The following IQCM variants were observed in gnomAD, a reference collection of about 807,000 sequenced individuals.
IQCM encodes the protein IQ domain-containing protein M.
IQCM carries 45 observed loss-of-function variants against 57.6 expected under a neutral mutation model. That is an observed-to-expected ratio of 0.78 (90% CI 0.62 to 1.00). The LOEUF (loss-of-function observed/expected upper bound fraction) is 1.00, where lower values mean the gene tolerates loss of function less well. Ranked by LOEUF, IQCM falls within the 50% of genes least tolerant of loss-of-function variation. The pLI, the probability that IQCM is intolerant of heterozygous loss-of-function variation, is 0.00. For synonymous variants in IQCM, 148 were observed against 158.9 expected, an observed-to-expected ratio of 0.93 and a Z score of 0.51; for missense variants, 468 against 511.6, an observed-to-expected ratio of 0.91 and a Z score of 0.82.
chr4:149,391,467 G>C (rs1042186699), intron 13 of IQCM, among the ~76,000 whole-genome samples: 1 of 151,178 alleles, frequency 6.6e-6, no homozygotes, highest in Non-Finnish European at 1.5e-5. Context: ...TCAATATATT[G>C]TTTTCTATTA....
intron 12 of IQCM, 28 bp downstream of exon 12, chr4:149,548,427 G>C (rs899379212): frequency 8.1e-7 from 1 of 1,230,522 alleles, no homozygotes; most frequent in Non-Finnish European, 1.0e-6. Context: ...GAAAAGAAGG[G>C]GGGAAAAAGA....
At chr4:149,633,199 A>T (rs1757442099) in intron 7 of IQCM, among the ~76,000 whole-genome samples, 1 of 150,104 alleles carries the variant, frequency 6.7e-6, no homozygotes, top group Non-Finnish European at 1.5e-5. Flanking sequence ...AAAAGCAAAT[A>T]TCACACATAA....
chr4:149,647,002 A>AT (rs1177384401), intron 7 of IQCM, among the ~76,000 whole-genome samples: 1 of 151,938 alleles, frequency 6.6e-6, no homozygotes, highest in Non-Finnish European at 1.5e-5. Context: ...AATAATAATA[A>AT]TTTTTTGTGT....
intron 7 of IQCM, among the ~76,000 whole-genome samples, chr4:149,633,668 CTACTT>C (rs369465537): frequency 1.3e-3 from 201 of 152,292 alleles, no homozygotes; most frequent in African/African-American, 4.5e-3. Context: ...ATTTTTCAAT[CTACTT>C]TACTGGTCTT....
chr4:149,472,336 CAGAG>C lies in IQCM; in HGVS notation c.1229-38783_1229-38780del, dbSNP rs1238519149. ...TTCCTATACACCAATAACAGACAGA[CAGAG>C]AGCCAAATCATGAGTGAACTCCCAT... On this transcript the variant is annotated intron_variant, in intron 12 of 13. Coordinates refer to ENST00000636793, the MANE Select transcript of IQCM (RefSeq NM_001363507.2). Among the ~76,000 whole-genome samples, 123 of 152,226 alleles carry C rather than the reference CAGAG, an allele frequency of 8.1e-4. 1 individual carries two copies. The highest frequency in any genetic ancestry group is 8.0e-3 in the Admixed American group (122 of 15,282).
intron 5 of IQCM, among the ~76,000 whole-genome samples, chr4:149,725,110 A>C (rs1043946911): frequency 6.6e-6 from 1 of 152,146 alleles, no homozygotes; most frequent in Non-Finnish European, 1.5e-5. Flanking sequence ...TTTACAAAGG[A>C]TATTTGATAC....
intron 12 of IQCM, among the ~76,000 whole-genome samples, chr4:149,484,259 C>T (rs1013112627): frequency 2.0e-5 from 3 of 151,816 alleles, no homozygotes; most frequent in South Asian, 4.2e-4. Flanking sequence ...TCCATTCAGC[C>T]GCTTTATGTC....
At chr4:149,785,728 T>A (rs1213066019) in intron 2 of IQCM, among the ~76,000 whole-genome samples, 7 of 152,078 alleles carry the variant, frequency 4.6e-5, no homozygotes, top group African/African-American at 1.7e-4. Flanking sequence ...TTTCTGTGGA[T>A]GGTCAGATTG....
At chr4:149,368,870 ATATACACGTG>A (rs1472624363) in intron 13 of IQCM, among the ~76,000 whole-genome samples, 1 of 95,032 alleles carries the variant, frequency 1.1e-5, no homozygotes, top group Non-Finnish European at 2.2e-5. Context: ...ATATATACAT[ATATACACGTG>A]TATATATATG....
chr4:149,396,761 C>A (rs560900947), intron 13 of IQCM, among the ~76,000 whole-genome samples: 1 of 152,010 alleles, frequency 6.6e-6, no homozygotes, highest in Non-Finnish European at 1.5e-5. Flanking sequence ...CTCTTTGATT[C>A]TCTTGAATCT....
chr4:149,619,103 G>GATATATATAT (rs1350988241), intron 8 of IQCM, among the ~76,000 whole-genome samples: 1 of 104,386 alleles, frequency 9.6e-6, no homozygotes, highest in Non-Finnish European at 1.7e-5. Flanking sequence ...AAAAATGTGG[G>GATATATATAT]ATGGATATAT....
intron 12 of IQCM, among the ~76,000 whole-genome samples, chr4:149,534,551 A>G (rs1409232626): frequency 1.3e-5 from 2 of 152,110 alleles, no homozygotes; most frequent in Non-Finnish European, 2.9e-5. Flanking sequence ...GACCCTCATC[A>G]TGCTAAAATT....
intron 12 of IQCM, among the ~76,000 whole-genome samples, chr4:149,513,506 T>G (rs1008887399): frequency 5.9e-5 from 9 of 152,180 alleles, no homozygotes; most frequent in Non-Finnish European, 1.3e-4. Context: ...CTAGAATAAT[T>G]AAGCTAATTT....
chr4:149,661,194 T>G (rs1384577221), intron 7 of IQCM, among the ~76,000 whole-genome samples: 2 of 152,154 alleles, frequency 1.3e-5, no homozygotes, highest in Admixed American at 6.6e-5. Flanking sequence ...CAAATGCTTT[T>G]CCTAAAAATT....
At chr4:149,533,941 G>A (rs942351985) in intron 12 of IQCM, among the ~76,000 whole-genome samples, 1 of 152,064 alleles carries the variant, frequency 6.6e-6, no homozygotes, top group Non-Finnish European at 1.5e-5. Flanking sequence ...ACTTTTCATG[G>A]AACTAGAGAG....
At chr4:149,656,684 T>C (rs1265494637) in intron 7 of IQCM, among the ~76,000 whole-genome samples, 1 of 152,182 alleles carries the variant, frequency 6.6e-6, no homozygotes, top group Non-Finnish European at 1.5e-5. Flanking sequence ...ACATGGCCTT[T>C]GCTCTGATAC....
rs1392480993 is a variant in IQCM at position 149,453,370 on chromosome 4, A to G, written c.1229-19813T>C. Among the ~76,000 whole-genome samples, 4 of 151,798 alleles carry G rather than the reference A, an allele frequency of 2.6e-5. No homozygotes were observed. In the East Asian group the frequency reaches 7.7e-4, roughly 29 times the overall value. On this transcript the variant is annotated intron_variant, in intron 12 of 13. Transcript: ENST00000636793. ...AAACTCGGTAAACTGCACTTCGACAAAAACAAAAACGAAAAAGAAACAAAA... is the reference window on the plus strand; with the variant it reads ...AAACTCGGTAAACTGCACTTCGACAGAAACAAAAACGAAAAAGAAACAAAA...
At chr4:149,516,901 G>T (rs1359823805) in intron 12 of IQCM, among the ~76,000 whole-genome samples, 3 of 151,912 alleles carry the variant, frequency 2.0e-5, no homozygotes, top group Non-Finnish European at 4.4e-5. Context: ...TGTTGGCTGG[G>T]GTGATTGACC....
rs553653489 is a variant in IQCM, at chr4:149,522,398, G to T, written c.1228+26057C>A. 2.0e-3 allele frequency among the ~76,000 whole-genome samples: 300 copies of T among 152,200 alleles called. 3 individuals are homozygous for T. Among genetic ancestry groups the T allele is most frequent in the Non-Finnish European group, 3.3e-3 (225 of 68,026 alleles). On this transcript the variant is annotated intron_variant, in intron 12 of 13. Coordinates refer to ENST00000636793, the MANE Select transcript of IQCM (RefSeq NM_001363507.2). ...AGAAACAGAACACCCAAAACAGATG[G>T]CTCCTATCAGAATAGAAGAGATGGA...
Sources: allele counts gnomAD v4.1 joint callset (sites outside exome capture counted in the v4.1 genomes callset), GRCh38; gene constraint gnomAD v4.1.1; transcripts MANE v1.5; gene names NCBI Gene and HGNC (gene_info 2026-07-23, HGNC 2026-07-21).